Variants in PRDX4 observed in about 807,000 individuals in gnomAD.
The protein encoded by PRDX4 is peroxiredoxin-4.
Under a neutral mutation model 20.5 loss-of-function variants are expected in PRDX4, and 12 were observed. The ratio of observed to expected loss-of-function variants is 0.58; its 90% CI spans 0.37 to 0.95. PRDX4 has a LOEUF of 0.95. Ranked by LOEUF, PRDX4 falls within the 40% of genes least tolerant of loss-of-function variation. The pLI is 0.01. For missense variants in PRDX4, 180 were observed against 207.3 expected (o/e 0.87, Z 0.81); for synonymous variants, 99 against 87.5 (o/e 1.13, Z -0.73).
intron 5 of PRDX4, 120 bp downstream of exon 5, chrX:23,682,646 C>A (rs1452355409): frequency 1.1e-5 from 6 of 571,303 alleles, no homozygotes; most frequent in Non-Finnish European, 1.2e-5. Flanking sequence ...AAATTATTAG[C>A]AGATCCTTTT....
At chrX:23,676,776 A>G (rs1927958547) in intron 3 of PRDX4, among the ~76,000 whole-genome samples, 1 of 92,471 alleles carries the variant, frequency 1.1e-5, no homozygotes, top group Non-Finnish European at 2.1e-5. Context: ...TGGGCAATAG[A>G]GTGAGATCCT....
chrX:23,668,875 T>C (rs759421769), intron 1 of PRDX4, among the ~76,000 whole-genome samples: 1 of 110,800 alleles, frequency 9.0e-6, no homozygotes, highest in East Asian at 2.8e-4. Flanking sequence ...TTACAGTTCT[T>C]ACTTGCTGAA....
intron 1 of PRDX4, 63 bp from the exon 2 acceptor site, chrX:23,671,466 G>A: frequency 2.3e-6 from 2 of 870,845 alleles, no homozygotes; most frequent in Non-Finnish European, 3.3e-6. Context: ...TTCTAAAGAT[G>A]TCCTTCTACC....
intron 4 of PRDX4, among the ~76,000 whole-genome samples, chrX:23,680,148 A>G (rs934449611): frequency 8.9e-6 from 1 of 112,270 alleles, no homozygotes; most frequent in Non-Finnish European, 1.9e-5. Flanking sequence ...GTCATCTTAC[A>G]GATAAAAGAG....
At chrX:23,677,401 T>G (rs770633410) in intron 3 of PRDX4, among the ~76,000 whole-genome samples, 1 of 111,506 alleles carries the variant, frequency 9.0e-6, no homozygotes, top group Non-Finnish European at 1.9e-5. Context: ...GACATGATGC[T>G]CAAAGGAAAT....
Position 23,677,878 on chromosome X carries a change from T to TA in PRDX4, c.477-1286dup, listed in dbSNP as rs779121029. On this transcript the variant is annotated intron_variant, in intron 3 of 6. Coordinates refer to ENST00000379341, the MANE Select transcript of PRDX4 (RefSeq NM_006406.2). ...AAATACAGTAAAGATGTTCCTGACT[T>TA]ACGATGGTTTGACGTATAATTTTTC... Among the ~76,000 whole-genome samples, 3 of 112,494 alleles carry TA rather than the reference T, an allele frequency of 2.7e-5. No homozygotes were observed. In the Admixed American group the frequency reaches 2.8e-4, roughly 11 times the overall value.
At chrX:23,678,051 G>C (rs1927983505) in intron 3 of PRDX4, among the ~76,000 whole-genome samples, 1 of 111,701 alleles carries the variant, frequency 9.0e-6, no homozygotes, top group Non-Finnish European at 1.9e-5. Flanking sequence ...CGGATCACCT[G>C]AGGTCAAGTG....
chrX:23,686,280 A>G lies in PRDX4; in HGVS notation c.766-5A>G, dbSNP rs367874794. ...TAATTTCCTTTCTTCGTTTTGTTTT[A>G]ACAGATAATCCCAGATCCAGCTGGA... is the stretch of plus-strand genomic sequence containing the variant. On this transcript the variant is annotated splice_region_variant and splice_polypyrimidine_tract_variant and intron_variant, in intron 6 of 6. Coordinates refer to ENST00000379341, the MANE Select transcript of PRDX4 (RefSeq NM_006406.2). The G allele has an allele frequency of 2.6e-6, 3 of 1,170,188 alleles. No homozygotes were observed. Among genetic ancestry groups the G allele is most frequent in the East Asian group, 6.0e-5 (2 of 33,069 alleles).
At chrX:23,683,360 G>C (rs1928124545) in intron 5 of PRDX4, among the ~76,000 whole-genome samples, 1 of 111,569 alleles carries the variant, frequency 9.0e-6, no homozygotes, top group Non-Finnish European at 1.9e-5. Context: ...CCATGCCCAG[G>C]CCTTTCAGCT....
chrX:23,676,580 C>T (rs1927953299), intron 3 of PRDX4, among the ~76,000 whole-genome samples: 1 of 109,799 alleles, frequency 9.1e-6, no homozygotes, highest in Non-Finnish European at 1.9e-5. Flanking sequence ...CATTTCAACC[C>T]AGGAGTTCAA....
At chrX:23,671,760 TAAAG>T in intron 2 of PRDX4, 114 bp downstream of exon 2, 1 of 497,657 alleles carries the variant, frequency 2.0e-6, no homozygotes, top group East Asian at 3.7e-5. Flanking sequence ...CAAGCTGAAG[TAAAG>T]AAATGTATTT....
At chrX:23,677,260 T>C (rs149172076) in intron 3 of PRDX4, among the ~76,000 whole-genome samples, 299 of 111,311 alleles carry the variant, frequency 2.7e-3, no homozygotes, top group African/African-American at 8.9e-3. Flanking sequence ...GTCGTTTTGT[T>C]TTCTATCTGC....
intron 1 of PRDX4, among the ~76,000 whole-genome samples, chrX:23,670,347 C>T (rs1465852576): frequency 1.8e-5 from 2 of 111,851 alleles, no homozygotes; most frequent in African/African-American, 6.5e-5. Context: ...GAATACTCTT[C>T]TGCTGTCTAT....
Position 23,679,296 on chromosome X carries a change from C to T in PRDX4, c.599+9C>T, listed in dbSNP as rs775643951. The T allele has an allele frequency of 4.2e-6, 5 of 1,186,482 alleles. No individual in the cohort carries two copies. Among genetic ancestry groups the T allele is most frequent in the South Asian group, 3.8e-5 (2 of 53,197 alleles). ...TCAGGCCACACTCTTAGGTACCTTT[C>T]AGTGGTTTTATATTATGACAAATCC... On this transcript the variant is annotated intron_variant, in intron 4 of 6. Transcript: ENST00000379341.
At chrX:23,675,165 G>A in intron 3 of PRDX4, 59 bp downstream of exon 3, 1 of 1,209,136 alleles carries the variant, frequency 8.3e-7, no homozygotes, top group Non-Finnish European at 1.1e-6. Context: ...CTTAAAGCAT[G>A]GACAGATAAC....
At chrX:23,675,347 G>A in intron 3 of PRDX4, 1 of 578,556 alleles carries the variant, frequency 1.7e-6, no homozygotes, top group Non-Finnish European at 2.5e-6. Context: ...TCAAAATAAG[G>A]GGAAAAGTTA....
intron 6 of PRDX4, among the ~76,000 whole-genome samples, chrX:23,684,047 C>CA (rs3063544): frequency 0.12 from 6,752 of 58,144 alleles, 455 homozygotes; most frequent in East Asian, 0.38. Flanking sequence ...GACTCCTTCT[C>CA]AAAAAAAAAA....
Position 23,679,038 on chromosome X carries a change from G to A in PRDX4, c.477-127G>A, listed in dbSNP as rs1238377546. ...AAGCAAGAAAATAGAAAGTATATTA[G>A]CCTGTTTTTGTTAGTGAAAGAATGT... On this transcript the variant is annotated intron_variant, in intron 3 of 6. Transcript: ENST00000379341. The A allele has an allele frequency of 1.5e-5, 10 of 683,329 alleles. No individual in the cohort carries two copies. In the African/African-American group the frequency reaches 2.2e-4, roughly 15 times the overall value. 56.3% of individuals were successfully genotyped at this position (683,329 alleles called of 1,213,427 possible). A position where few individuals can be genotyped will look rare whatever the true frequency, so the allele number is the denominator to read the frequency against.
intron 2 of PRDX4, among the ~76,000 whole-genome samples, chrX:23,673,231 C>G (rs1927879816): frequency 8.9e-6 from 1 of 112,223 alleles, no homozygotes; most frequent in Non-Finnish European, 1.9e-5. Context: ...TTAATTGGAG[C>G]ATGTTGTTAG....
Sources: allele counts gnomAD v4.1 joint callset (sites outside exome capture counted in the v4.1 genomes callset), GRCh38; gene constraint gnomAD v4.1.1; transcripts MANE v1.5; gene names NCBI Gene and HGNC (gene_info 2026-07-23, HGNC 2026-07-21).